Variants in LINC01488 observed in about 807,000 individuals in gnomAD.
LINC01488 encodes the protein long independently transcribed non-coding RNA 1488, also known as CCND1-upstream intergenic DNA repair 1.
chr11:69,481,705 C>A (rs1857049722), exon 1 of LINC01488: 1 of 152,358 alleles, frequency 6.6e-6, no homozygotes, highest in African/African-American at 2.4e-5. Flanking sequence ...CAGAGTGGCT[C>A]ACAGAGAGGA....
chr11:69,487,112 G>T, intron 1 of LINC01488, among the ~76,000 whole-genome samples: 1 of 152,244 alleles, frequency 6.6e-6, no homozygotes, highest in East Asian at 1.9e-4. Context: ...TCCCGCAGGC[G>T]GAGTATTTTG....
chr11:69,484,142 C>G (rs1430739314), intron 1 of LINC01488, among the ~76,000 whole-genome samples: 1 of 152,190 alleles, frequency 6.6e-6, no homozygotes, highest in African/African-American at 2.4e-5. Context: ...GGGGTGCCCC[C>G]TCACTCCTTA....
At position 69,485,240 on chromosome 11, in the gene LINC01488, A is replaced by G. The variant is rs930639275; in HGVS notation, n.122+3457A>G. Among the ~76,000 whole-genome samples, 15 of 152,216 alleles carry G rather than the reference A, an allele frequency of 9.9e-5. No homozygotes were observed. In the South Asian group the frequency reaches 1.7e-3, roughly 17 times the overall value. On this transcript the variant is annotated intron_variant and non_coding_transcript_variant, in intron 1 of 3. Coordinates refer to ENST00000644563, the Ensembl canonical transcript of LINC01488. ...AGAGGCAAAGGGTTTTCCCCCAGGAACATGATGGAGCCAGGAGTTGGACCC... is the reference window on the plus strand; with the variant it reads ...AGAGGCAAAGGGTTTTCCCCCAGGAGCATGATGGAGCCAGGAGTTGGACCC...
chr11:69,485,551 C>T (rs1416338880), intron 1 of LINC01488: 1 of 152,456 alleles, frequency 6.6e-6, no homozygotes, highest in East Asian at 1.9e-4. Flanking sequence ...TGGCCATAGG[C>T]TCTGGCTTGC....
chr11:69,486,383 C>A (rs1857117948), intron 1 of LINC01488, among the ~76,000 whole-genome samples: 1 of 152,174 alleles, frequency 6.6e-6, no homozygotes, highest in Non-Finnish European at 1.5e-5. Context: ...AGAGTTTGGT[C>A]AGCACCACGA....
chr11:69,482,598 AATGGATGAGTGG>A (rs934413714), intron 1 of LINC01488, among the ~76,000 whole-genome samples: 2 of 149,046 alleles, frequency 1.3e-5, no homozygotes, highest in African/African-American at 2.5e-5. Context: ...TAGGTGGATG[AATGGATGAGTGG>A]ATGGATGGGT....
chr11:69,487,973 T>G (rs1857151858), intron 1 of LINC01488: 1 of 152,452 alleles, frequency 6.6e-6, no homozygotes. Context: ...GGCACAGACA[T>G]GGATGGAGGG....
At chr11:69,485,333 G>A (rs75997783) in intron 1 of LINC01488, among the ~76,000 whole-genome samples, 3 of 152,308 alleles carry the variant, frequency 2.0e-5, no homozygotes, top group East Asian at 3.9e-4. Flanking sequence ...GAGAATAAAT[G>A]TGCTGGGGGC....
At chr11:69,491,012 T>C (rs1178626719) in intron 2 of LINC01488, 5 of 152,186 alleles carry the variant, frequency 3.3e-5, no homozygotes. Context: ...TTCTTTTTTA[T>C]CCACTTTTTC....
intron 1 of LINC01488, among the ~76,000 whole-genome samples, chr11:69,486,797 C>T (rs1249842154): frequency 6.6e-6 from 1 of 152,138 alleles, no homozygotes; most frequent in Non-Finnish European, 1.5e-5. Context: ...GGGCTTTGAA[C>T]TCCCAGCCAG....
At chr11:69,483,751 T>A (rs1192866531) in intron 1 of LINC01488, among the ~76,000 whole-genome samples, 1 of 152,124 alleles carries the variant, frequency 6.6e-6, no homozygotes, top group Non-Finnish European at 1.5e-5. Context: ...TCTGCAATTG[T>A]CCCTTTTGTT....
chr11:69,489,028 G>A (rs566135226), intron 1 of LINC01488, among the ~76,000 whole-genome samples: 3 of 152,348 alleles, frequency 2.0e-5, no homozygotes, highest in African/African-American at 7.2e-5. Context: ...GAAAGAAAGT[G>A]TGTAGATAAG....
At chr11:69,487,388 T>C (rs1248631951) in intron 1 of LINC01488, among the ~76,000 whole-genome samples, 1 of 152,186 alleles carries the variant, frequency 6.6e-6, no homozygotes, top group Non-Finnish European at 1.5e-5. Context: ...GTGGAAATCC[T>C]GTCTGCCATG....
chr11:69,489,849 G>C (rs1337981839), intron 1 of LINC01488, among the ~76,000 whole-genome samples: 1 of 152,172 alleles, frequency 6.6e-6, no homozygotes, highest in Non-Finnish European at 1.5e-5. Context: ...CTTGCCCTCT[G>C]TAGCCCCATC....
At chr11:69,487,554 T>G (rs563916677) in intron 1 of LINC01488, among the ~76,000 whole-genome samples, 149 of 152,332 alleles carry the variant, frequency 9.8e-4, no homozygotes, top group Non-Finnish European at 1.7e-3. Context: ...CCACGTGTGC[T>G]GGCCCTGGTG....
chr11:69,482,370 G>A (rs1162795223), intron 1 of LINC01488, among the ~76,000 whole-genome samples: 1 of 152,102 alleles, frequency 6.6e-6, no homozygotes, highest in African/African-American at 2.4e-5. Flanking sequence ...TGAGATGTGA[G>A]TGGGGACACA....
intron 1 of LINC01488, among the ~76,000 whole-genome samples, chr11:69,482,981 A>G (rs958005505): frequency 1.3e-5 from 2 of 152,196 alleles, no homozygotes; most frequent in Admixed American, 1.3e-4. Flanking sequence ...ATCTGTAAAG[A>G]TCCTGTATCC....
At chr11:69,486,996 G>T (rs1428287849) in intron 1 of LINC01488, among the ~76,000 whole-genome samples, 1 of 152,240 alleles carries the variant, frequency 6.6e-6, no homozygotes, top group Non-Finnish European at 1.5e-5. Context: ...GTGCTGGGGG[G>T]TCCTGGCCCC....
intron 1 of LINC01488, among the ~76,000 whole-genome samples, chr11:69,485,061 G>A (rs1857092714): frequency 6.6e-6 from 1 of 152,188 alleles, no homozygotes; most frequent in African/African-American, 2.4e-5. Context: ...CTTGTCCTGA[G>A]CTCAGCATGT....
Sources: allele counts gnomAD v4.1 joint callset (sites outside exome capture counted in the v4.1 genomes callset), GRCh38; gene constraint gnomAD v4.1.1; transcripts MANE v1.5; gene names NCBI Gene and HGNC (gene_info 2026-07-23, HGNC 2026-07-21).